ADAMTS17: variants seen among roughly 807,000 people sequenced by gnomAD.
ADAMTS17 encodes the protein A disintegrin and metalloproteinase with thrombospondin motifs 17.
A neutral mutation model predicts 141.5 loss-of-function variants in ADAMTS17; 113 were observed. That is an observed-to-expected ratio of 0.80 (90% CI 0.69 to 0.93). The LOEUF is 0.93. Ranked by LOEUF, ADAMTS17 falls within the 40% of genes least tolerant of loss-of-function variation. ADAMTS17 has a pLI of 0.00. For synonymous variants in ADAMTS17, 768 were observed against 630.6 expected (o/e 1.22, Z -3.27); for missense variants, 1,659 against 1,517.9 (o/e 1.09, Z -1.54).
At chr15:100,138,188 G>C (rs1483239977) in intron 10 of ADAMTS17, among the ~76,000 whole-genome samples, 1 of 152,130 alleles carries the variant, frequency 6.6e-6, no homozygotes, top group Non-Finnish European at 1.5e-5. Context: ...TTCAGAAAAA[G>C]GGGTTCTGGT....
chr15:100,057,556 C>G (rs1414568305), intron 15 of ADAMTS17, among the ~76,000 whole-genome samples: 1 of 152,154 alleles, frequency 6.6e-6, no homozygotes, highest in Non-Finnish European at 1.5e-5. Flanking sequence ...TGGTTTGTTG[C>G]TTCTGTGAAC....
chr15:100,310,156 C>T (rs1414414622), intron 3 of ADAMTS17, among the ~76,000 whole-genome samples: 4 of 152,152 alleles, frequency 2.6e-5, no homozygotes, highest in African/African-American at 9.7e-5. Context: ...ACACTCTGCA[C>T]CAACAAGATG....
chr15:100,110,234 TAA>T lies in ADAMTS17; in HGVS notation c.1889-1120_1889-1119del, dbSNP rs59141408. Among the ~76,000 whole-genome samples the T allele has an allele frequency of 9.7e-3, 690 of 71,500 alleles. 6 individuals are homozygous for T. The highest frequency in any genetic ancestry group is 0.03 in the African/African-American group (635 of 21,100). The allele number at this position is 71,500 out of a possible 152,430, so 46.9% of individuals were successfully genotyped here. ...ATATATATATTTTTATATATTTATA[TAA>T]ATATATATATATATAAATACATATA... On this transcript the variant is annotated intron_variant, in intron 13 of 21. Coordinates refer to ENST00000268070, the MANE Select transcript of ADAMTS17 (RefSeq NM_139057.4).
At chr15:100,101,743 G>A (rs1004530870) in intron 14 of ADAMTS17, among the ~76,000 whole-genome samples, 2 of 152,144 alleles carry the variant, frequency 1.3e-5, no homozygotes, top group African/African-American at 4.8e-5. Flanking sequence ...ATTTGAATTG[G>A]GACTTCCTCG....
At chr15:100,136,842 T>A (rs2038358472) in intron 10 of ADAMTS17, among the ~76,000 whole-genome samples, 1 of 152,174 alleles carries the variant, frequency 6.6e-6, no homozygotes, top group South Asian at 2.1e-4. Context: ...CGTGTCCTGA[T>A]AAAGTCACTG....
chr15:100,275,507 C>T (rs2044050838), intron 4 of ADAMTS17, among the ~76,000 whole-genome samples: 1 of 152,162 alleles, frequency 6.6e-6, no homozygotes, highest in Non-Finnish European at 1.5e-5. Context: ...GCAGTCAGTC[C>T]AGGGTGGAGA....
At chr15:100,248,449 G>A (rs1323652941) in intron 7 of ADAMTS17, among the ~76,000 whole-genome samples, 1 of 152,156 alleles carries the variant, frequency 6.6e-6, no homozygotes, top group Non-Finnish European at 1.5e-5. Context: ...GAAGAGGAAC[G>A]CAAAGGGCAG....
intron 13 of ADAMTS17, among the ~76,000 whole-genome samples, chr15:100,111,607 G>C (rs889597504): frequency 6.6e-6 from 1 of 152,250 alleles, no homozygotes; most frequent in East Asian, 1.9e-4. Context: ...TTCGTTGAAA[G>C]CAAGGGTCCC....
At chr15:100,080,084 A>T (rs1440089410) in intron 15 of ADAMTS17, among the ~76,000 whole-genome samples, 1 of 152,172 alleles carries the variant, frequency 6.6e-6, no homozygotes, top group Non-Finnish European at 1.5e-5. Flanking sequence ...TTCACGGTCC[A>T]GGAATCAAGG....
intron 18 of ADAMTS17, among the ~76,000 whole-genome samples, chr15:100,011,469 C>A (rs528803587): frequency 6.6e-6 from 1 of 151,588 alleles, no homozygotes; most frequent in African/African-American, 2.4e-5. Flanking sequence ...AAGGAGAGAA[C>A]AAAGGCAGGC....
chr15:100,177,861 G>C (rs866416557), intron 8 of ADAMTS17, among the ~76,000 whole-genome samples: 3 of 152,040 alleles, frequency 2.0e-5, no homozygotes, highest in African/African-American at 4.8e-5. Flanking sequence ...ATACGTTAAA[G>C]GTTGTTGTAT....
At chr15:100,047,038 A>G (rs928455666) in intron 18 of ADAMTS17, among the ~76,000 whole-genome samples, 1 of 152,030 alleles carries the variant, frequency 6.6e-6, no homozygotes, top group Admixed American at 6.6e-5. Flanking sequence ...AACATCCCTG[A>G]GAAAGAGAAT....
chr15:100,167,876 T>C lies in ADAMTS17; in HGVS notation c.1182-12556A>G, dbSNP rs557098085. On this transcript the variant is annotated intron_variant, in intron 8 of 21. Transcript: ENST00000268070. ...AAATTTATGAAAGCACTGAGCTCTT[T>C]TGAAACTACCCATGCACGTGATGAA... 1.6e-4 allele frequency among the ~76,000 whole-genome samples: 25 copies of C among 152,304 alleles called. No homozygotes were observed. In the South Asian group the frequency reaches 1.9e-3, roughly 11 times the overall value.
chr15:100,012,675 G>A (rs2061210046), intron 18 of ADAMTS17, among the ~76,000 whole-genome samples: 2 of 152,134 alleles, frequency 1.3e-5, no homozygotes, highest in South Asian at 4.1e-4. Flanking sequence ...TGTTTGCTTT[G>A]TCGAAGATCA....
chr15:100,303,929 G>C (rs34058616), intron 3 of ADAMTS17, among the ~76,000 whole-genome samples: 2,880 of 152,230 alleles, frequency 0.019, 105 homozygotes, highest in African/African-American at 0.066. Flanking sequence ...TCGCCACGTT[G>C]GGCAGGCTGG....
chr15:100,329,106 T>A (rs2045974441), intron 3 of ADAMTS17, among the ~76,000 whole-genome samples: 1 of 152,016 alleles, frequency 6.6e-6, no homozygotes, highest in African/African-American at 2.4e-5. Flanking sequence ...GACCCAGGCG[T>A]GAGTAGCTGT....
chr15:100,002,350 G>A (rs1414926112), intron 18 of ADAMTS17, among the ~76,000 whole-genome samples: 2 of 152,014 alleles, frequency 1.3e-5, no homozygotes, highest in African/African-American at 4.8e-5. Flanking sequence ...TGAGAAGTGG[G>A]GCCCCTCTGT....
At chr15:100,246,092 G>A (rs974395295) in intron 7 of ADAMTS17, among the ~76,000 whole-genome samples, 3 of 152,002 alleles carry the variant, frequency 2.0e-5, no homozygotes, top group Non-Finnish European at 2.9e-5. Flanking sequence ...ACAGTCTTTC[G>A]CAGACGCTCT....
chr15:100,195,059 G>C (rs2041059160), intron 8 of ADAMTS17, among the ~76,000 whole-genome samples: 1 of 152,260 alleles, frequency 6.6e-6, no homozygotes, highest in African/African-American at 2.4e-5. Context: ...CTAATTACTA[G>C]CTGAACCCAA....
Sources: gnomAD v4.1 joint callset for allele counts (sites outside exome capture counted in the v4.1 genomes callset) on GRCh38, gnomAD v4.1.1 for gene constraint, MANE v1.5 for transcripts, NCBI Gene and HGNC (gene_info 2026-07-23, HGNC 2026-07-21) for gene names.